Variants in RELN observed in about 807,000 individuals in gnomAD.
RELN encodes the protein reelin.
Under a neutral mutation model 427.6 loss-of-function variants are expected in RELN, and 108 were observed. The ratio of observed to expected loss-of-function variants is 0.25; its 90% confidence interval spans 0.22 to 0.30. RELN has a LOEUF of 0.30. Ranked by LOEUF, RELN falls within the 10% of genes least tolerant of loss-of-function variation. RELN has a pLI of 1.00. For missense variants in RELN, 3,715 were observed against 4,302.8 expected, an observed-to-expected ratio of 0.86 and a Z score of 3.82; for synonymous variants, 1,524 against 1,513.4, an observed-to-expected ratio of 1.01 and a Z score of -0.16.
Position 103,565,284 on chromosome 7 carries a change from G to A in RELN, c.5204C>T (p.Ser1735Phe), listed in dbSNP as rs750109049. The change falls in exon 34 of 65, where the codon TCC (serine) becomes TTC (phenylalanine). Residue 1735 changes from serine (S) to phenylalanine (F), a missense_variant. Physicochemically the swap from Ser to Phe is radical, Grantham distance 155. Transcript: ENST00000428762. ...GCCAAATGACAATTCTCACATGGTG[G>A]AGAGTGGAAGGTAGACAGTGATCCG... Reference protein sequence around the residue: ...WKRITVYLPLSTISPRTRFRW... With the variant: ...WKRITVYLPLFTISPRTRFRW... 2.5e-6 allele frequency: 4 copies of A among 1,614,044 alleles called. No individual in the cohort carries two copies. In the African/African-American group the frequency reaches 4.0e-5, roughly 16 times the overall value.
At chr7:103,571,828 C>A (rs1830888152) in intron 31 of RELN, among the ~76,000 whole-genome samples, 1 of 152,120 alleles carries the variant, frequency 6.6e-6, no homozygotes, top group Non-Finnish European at 1.5e-5. Flanking sequence ...CAGTAATGCC[C>A]TATGCAAACA....
chr7:103,978,711 T>C (rs1015272681), intron 1 of RELN, among the ~76,000 whole-genome samples: 3 of 152,252 alleles, frequency 2.0e-5, no homozygotes, highest in African/African-American at 7.2e-5. Context: ...TACTCATTAG[T>C]GATACCAATT....
intron 3 of RELN, among the ~76,000 whole-genome samples, chr7:103,782,263 G>A (rs1177345214): frequency 6.6e-6 from 1 of 152,156 alleles, no homozygotes; most frequent in Non-Finnish European, 1.5e-5. Flanking sequence ...AAACAACAGA[G>A]TAGCTGTATG....
chr7:103,536,267 A>C (rs189010256), intron 45 of RELN, among the ~76,000 whole-genome samples: 5 of 152,190 alleles, frequency 3.3e-5, no homozygotes, highest in African/African-American at 4.8e-5. Flanking sequence ...AAAGATATTT[A>C]TTTCTTTCCT....
intron 3 of RELN, among the ~76,000 whole-genome samples, chr7:103,796,886 AAAAAAAAAG>A (rs1792312463): frequency 6.9e-6 from 1 of 143,990 alleles, no homozygotes; most frequent in Non-Finnish European, 1.5e-5. Flanking sequence ...AAAAAAAAAA[AAAAAAAAAG>A]AAAGAAAGAA....
At chr7:103,836,675 A>G (rs2116418555) in intron 2 of RELN, among the ~76,000 whole-genome samples, 1 of 152,080 alleles carries the variant, frequency 6.6e-6, no homozygotes, top group East Asian at 1.9e-4. Flanking sequence ...TCTCTCCTCA[A>G]CTGCTCTCAA....
At chr7:103,870,510 T>A (rs1312885049) in intron 2 of RELN, among the ~76,000 whole-genome samples, 1 of 152,038 alleles carries the variant, frequency 6.6e-6, no homozygotes, top group Non-Finnish European at 1.5e-5. Context: ...AGATTCAGCA[T>A]CCAAGCTCAG....
At chr7:103,621,939 C>A (rs770427638) in intron 20 of RELN, among the ~76,000 whole-genome samples, 1 of 152,260 alleles carries the variant, frequency 6.6e-6, no homozygotes, top group South Asian at 2.1e-4. Context: ...TCACTTGAAC[C>A]TGGGAGGCAG....
intron 2 of RELN, among the ~76,000 whole-genome samples, chr7:103,861,488 C>T (rs1794070678): frequency 6.6e-6 from 1 of 152,132 alleles, no homozygotes; most frequent in Non-Finnish European, 1.5e-5. Flanking sequence ...TAGAGAGTGG[C>T]ACGCTGCCTG....
chr7:103,729,311 G>T (rs753400841), intron 6 of RELN, among the ~76,000 whole-genome samples: 121 of 152,244 alleles, frequency 7.9e-4, no homozygotes, highest in Non-Finnish European at 1.5e-3. Flanking sequence ...TAAAGAAAAG[G>T]AGTAGAACAC....
At position 103,824,599 on chromosome 7, in the gene RELN, C is replaced by A. The variant is rs572432781; in HGVS notation, c.473+8938G>T. Among the ~76,000 whole-genome samples, 1 of 147,346 alleles carries A rather than the reference C, an allele frequency of 6.8e-6. No individual in the cohort carries two copies. The highest frequency in any genetic ancestry group is 6.8e-5 in the Admixed American group (1 of 14,646). ...TGATATGTCTCCTTTCTTCTGGAAA[C>A]CAGTGTTTTCACTTTCTTTCAAAAC... On this transcript the variant is annotated intron_variant, in intron 3 of 64. Transcript: ENST00000428762. The surrounding 1 kb of genome is among the most constrained non-coding windows in gnomAD (Gnocchi z 4.4).
chr7:103,958,756 A>G (rs896381138), intron 1 of RELN, among the ~76,000 whole-genome samples: 5 of 151,936 alleles, frequency 3.3e-5, no homozygotes, highest in Non-Finnish European at 7.4e-5. Flanking sequence ...TAGCTTCTTC[A>G]TTGCAAAACT....
intron 6 of RELN, among the ~76,000 whole-genome samples, chr7:103,745,635 G>T (rs1442290725): frequency 2.6e-5 from 4 of 151,320 alleles, no homozygotes; most frequent in East Asian, 3.9e-4. Flanking sequence ...GACAAACAGA[G>T]AGCCAAATCA....
chr7:103,816,434 T>G (rs1258425309), intron 3 of RELN, among the ~76,000 whole-genome samples: 1 of 152,042 alleles, frequency 6.6e-6, no homozygotes, highest in Non-Finnish European at 1.5e-5. Context: ...ATATTTTACT[T>G]TTCATAAAAA....
intron 64 of RELN, among the ~76,000 whole-genome samples, chr7:103,478,167 T>C (rs978022212): frequency 6.6e-6 from 1 of 152,214 alleles, no homozygotes; most frequent in African/African-American, 2.4e-5. Flanking sequence ...TTGTGCCCTA[T>C]ATTGTATATA....
chr7:103,940,358 T>C (rs1302951038), intron 1 of RELN, among the ~76,000 whole-genome samples: 1 of 152,230 alleles, frequency 6.6e-6, no homozygotes, highest in Non-Finnish European at 1.5e-5. Context: ...TGGTCCGTTA[T>C]TATGAATAAT....
chr7:103,749,598 A>G (rs1331884296), intron 5 of RELN, 94 bp from the exon 6 acceptor site: 6 of 923,866 alleles, frequency 6.5e-6, no homozygotes, highest in Non-Finnish European at 8.9e-6. Context: ...ATGAAGAATA[A>G]TGTATCCTAA....
intron 2 of RELN, among the ~76,000 whole-genome samples, chr7:103,859,370 T>A (rs576203974): frequency 2.6e-5 from 4 of 152,254 alleles, no homozygotes; most frequent in African/African-American, 7.2e-5. Context: ...CTCTGCTCAG[T>A]GAAACCTCCA....
intron 5 of RELN, among the ~76,000 whole-genome samples, chr7:103,752,560 C>A (rs575967592): frequency 6.6e-6 from 1 of 151,874 alleles, no homozygotes; most frequent in Non-Finnish European, 1.5e-5. Flanking sequence ...AGGTGCACAA[C>A]CACCACACTG....
Sources: allele counts gnomAD v4.1 joint callset (sites outside exome capture counted in the v4.1 genomes callset), GRCh38; gene constraint gnomAD v4.1.1; non-coding constraint Gnocchi (gnomAD v3.1); transcripts MANE v1.5; gene names NCBI Gene and HGNC (gene_info 2026-07-23, HGNC 2026-07-21).